ETNPPL: variants seen among roughly 807,000 people sequenced by gnomAD.
The protein encoded by ETNPPL is ethanolamine-phosphate phospho-lyase.
ETNPPL carries 30 observed loss-of-function variants against 55.5 expected under a neutral mutation model. The observed-to-expected ratio is 0.54, with a 90% CI of 0.40 to 0.73. The LOEUF is 0.73. ETNPPL is among the 30% of genes least tolerant of loss of function. The pLI is 0.00. For synonymous variants in ETNPPL, 202 were observed against 207.2 expected (o/e 0.98, Z 0.21); for missense variants, 528 against 607.9 (o/e 0.87, Z 1.38).
Position 108,759,771 on chromosome 4 carries a change from C to CA in ETNPPL, c.312dup (p.Val105CysfsTer32). 1 of 1,614,112 alleles carries CA rather than the reference C, an allele frequency of 6.2e-7. No homozygotes were observed. The highest frequency in any genetic ancestry group is 8.5e-7 in the Non-Finnish European group (1 of 1,180,008). ...TACCCTGAATTTGTAAAATAACAAA[C>CA]AGAGAGTTTCTCCGGCAGAGTTGCT... On this transcript the variant is annotated frameshift_variant, in exon 3 of 13. Transcript: ENST00000296486. LOFTEE classifies it high-confidence loss of function.
chr4:108,760,608 T>G (rs2125683239), intron 1 of ETNPPL, among the ~76,000 whole-genome samples: 1 of 152,314 alleles, frequency 6.6e-6, no homozygotes, highest in East Asian at 1.9e-4. Context: ...CAATAACTAA[T>G]TTTCCTTTGA....
intron 8 of ETNPPL, among the ~76,000 whole-genome samples, chr4:108,748,484 G>T (rs1728730084): frequency 6.6e-6 from 1 of 152,122 alleles, no homozygotes; most frequent in Non-Finnish European, 1.5e-5. Flanking sequence ...GGAAATAGGG[G>T]TTTCTGCCCT....
At chr4:108,743,434 G>T (rs752942737) in intron 12 of ETNPPL, among the ~76,000 whole-genome samples, 2 of 152,198 alleles carry the variant, frequency 1.3e-5, no homozygotes, top group Non-Finnish European at 2.9e-5. Context: ...TGTAAAGTCA[G>T]TGTGTGAGAA....
At chr4:108,751,848 C>T (rs905278981) in intron 6 of ETNPPL, among the ~76,000 whole-genome samples, 5 of 152,236 alleles carry the variant, frequency 3.3e-5, no homozygotes, top group African/African-American at 1.2e-4. Flanking sequence ...TTGCTTTCAG[C>T]ACTGCTAATA....
At chr4:108,752,800 A>T in intron 6 of ETNPPL, 95 bp downstream of exon 6, 2 of 732,444 alleles carry the variant, frequency 2.7e-6, no homozygotes, top group Non-Finnish European at 4.6e-6. Flanking sequence ...AAGGGACATT[A>T]GATATAATCC....
intron 7 of ETNPPL, among the ~76,000 whole-genome samples, chr4:108,750,539 T>C (rs1444820068): frequency 6.9e-6 from 1 of 144,706 alleles, no homozygotes; most frequent in African/African-American, 2.6e-5. Flanking sequence ...ATATGTGATA[T>C]ATATACGATA....
At chr4:108,743,050 C>T (rs375023015) in intron 12 of ETNPPL, among the ~76,000 whole-genome samples, 10 of 152,210 alleles carry the variant, frequency 6.6e-5, no homozygotes, top group Non-Finnish European at 1.3e-4. Context: ...TAGCGAATCA[C>T]TTGCTCTCAT....
intron 8 of ETNPPL, 64 bp downstream of exon 8, chr4:108,749,174 C>G: frequency 7.5e-7 from 1 of 1,339,192 alleles, no homozygotes; most frequent in Middle Eastern, 1.8e-4. Context: ...ACTACATTGG[C>G]AAAAAATATA....
At chr4:108,754,136 G>A (rs1273992738) in intron 5 of ETNPPL, among the ~76,000 whole-genome samples, 1 of 151,786 alleles carries the variant, frequency 6.6e-6, no homozygotes, top group Non-Finnish European at 1.5e-5. Flanking sequence ...ACCACACCTG[G>A]CTAATTTTTG....
Position 108,752,918 on chromosome 4 carries a change from C to T in ETNPPL, c.595G>A (p.Asp199Asn). ...ACCTTCCTTCCACTGTTATGAGCAT[C>T]TTCAATGATTTTCTTCACTTCATCT... is the stretch of plus-strand genomic sequence containing the variant. ...YADEVKKIIEDAHNSGRKIAA... is the reference protein window; with the variant it reads ...YADEVKKIIENAHNSGRKIAA... Residue 199 changes from aspartate (D) to asparagine (N), a missense_variant, in exon 6 of 13, where the codon GAT (aspartate) becomes AAT (asparagine). By Grantham distance (23) the Asp-to-Asn change is conservative. Coordinates refer to ENST00000296486, the MANE Select transcript of ETNPPL (RefSeq NM_031279.4). 1 of 1,604,784 alleles carries T rather than the reference C, an allele frequency of 6.2e-7. No homozygotes were observed. The highest frequency in any genetic ancestry group is 8.5e-7 in the Non-Finnish European group (1 of 1,172,342).
chr4:108,756,340 G>A (rs1560658673), intron 4 of ETNPPL, 78 bp downstream of exon 4: 2 of 948,702 alleles, frequency 2.1e-6, no homozygotes, highest in African/African-American at 3.2e-5. Flanking sequence ...TGCGTTCATG[G>A]TATTAGTATG....
chr4:108,751,165 G>A, intron 6 of ETNPPL, 147 bp from the exon 7 acceptor site: 1 of 475,624 alleles, frequency 2.1e-6, no homozygotes, highest in South Asian at 3.3e-5. Context: ...TAAAGAAAAA[G>A]GAAAAGGTGT....
At chr4:108,756,813 G>A (rs1248330892) in intron 3 of ETNPPL, among the ~76,000 whole-genome samples, 1 of 152,102 alleles carries the variant, frequency 6.6e-6, no homozygotes, top group Non-Finnish European at 1.5e-5. Context: ...GTAACAGACT[G>A]AGACTCCATC....
chr4:108,753,751 A>AGAAAGAAAGAAG (rs774241095), intron 5 of ETNPPL, among the ~76,000 whole-genome samples: 1,560 of 101,154 alleles, frequency 0.015, 34 homozygotes, highest in Middle Eastern at 0.028. Context: ...CAAATAAATA[A>AGAAAGAAAGAAG]GAAAGAAAGA....
chr4:108,754,564 A>G (rs996141830), intron 5 of ETNPPL, 56 bp downstream of exon 5: 7 of 928,584 alleles, frequency 7.5e-6, no homozygotes, highest in Non-Finnish European at 1.2e-5. Flanking sequence ...TGGCTGGATT[A>G]TCATTAAGCA....
chr4:108,760,058 A>T, intron 2 of ETNPPL, 130 bp downstream of exon 2: 1 of 1,056,664 alleles, frequency 9.5e-7, no homozygotes, highest in Non-Finnish European at 1.4e-6. Flanking sequence ...GATTTTCCCC[A>T]CTAGGACTAC....
At chr4:108,755,821 A>ACAAACAAAC (rs1553934420) in intron 4 of ETNPPL, among the ~76,000 whole-genome samples, 1 of 152,022 alleles carries the variant, frequency 6.6e-6, no homozygotes, top group African/African-American at 2.4e-5. Flanking sequence ...ACTCCGTCTC[A>ACAAACAAAC]AAACAAACAA....
chr4:108,750,858 T>C (rs1728877310), intron 7 of ETNPPL, 78 bp downstream of exon 7: 1 of 1,041,384 alleles, frequency 9.6e-7, no homozygotes, highest in Non-Finnish European at 1.5e-6. Flanking sequence ...TATTTTAATA[T>C]CTTAGCAACT....
At chr4:108,751,158 A>G (rs1728895631) in intron 6 of ETNPPL, 140 bp from the exon 7 acceptor site, 1 of 491,870 alleles carries the variant, frequency 2.0e-6, no homozygotes, top group East Asian at 3.2e-5. Flanking sequence ...ATTTGATTAA[A>G]GAAAAAGGAA....
Sources: gnomAD v4.1 joint callset for allele counts (sites outside exome capture counted in the v4.1 genomes callset) on GRCh38, gnomAD v4.1.1 for gene constraint, MANE v1.5 for transcripts, NCBI Gene and HGNC (gene_info 2026-07-23, HGNC 2026-07-21) for gene names.